Variants in GPC5 observed in about 807,000 individuals in gnomAD.
GPC5 encodes the protein glypican 5.
A neutral mutation model predicts 53.9 loss-of-function variants in GPC5; 47 were observed. The observed-to-expected ratio is 0.87, with a 90% CI of 0.69 to 1.11. GPC5 has a LOEUF of 1.11. Ranked by LOEUF, GPC5 falls within the 50% of genes most tolerant of loss-of-function variation. The pLI is 0.00. For missense variants in GPC5, 748 were observed against 713.1 expected (o/e 1.05, Z -0.56); for synonymous variants, 286 against 263.3 (o/e 1.09, Z -0.84).
intron 5 of GPC5, among the ~76,000 whole-genome samples, chr13:91,901,808 TAGG>T (rs1325504377): frequency 6.6e-6 from 1 of 151,902 alleles, no homozygotes; most frequent in Non-Finnish European, 1.5e-5. Flanking sequence ...TCCTAGAAAT[TAGG>T]AGATTTATGA....
intron 2 of GPC5, among the ~76,000 whole-genome samples, chr13:91,603,122 G>A (rs998193323): frequency 2.0e-5 from 3 of 152,218 alleles, no homozygotes; most frequent in Non-Finnish European, 2.9e-5. Context: ...ATATGTCAGA[G>A]GACTATGACT....
intron 7 of GPC5, among the ~76,000 whole-genome samples, chr13:92,774,925 A>G (rs577283498): frequency 3.9e-5 from 6 of 152,334 alleles, no homozygotes; most frequent in African/African-American, 1.4e-4. Context: ...CCTGTCCAAC[A>G]TTGACAAAAA....
chr13:91,917,409 C>G (rs2139011248), intron 6 of GPC5, among the ~76,000 whole-genome samples: 1 of 152,312 alleles, frequency 6.6e-6, no homozygotes, highest in South Asian at 2.1e-4. Flanking sequence ...TTCCCAGCTG[C>G]TTTCGTGGGC....
intron 6 of GPC5, among the ~76,000 whole-genome samples, chr13:91,920,922 CTCTCTTTTTTTTTTTT>C (rs2039705784): frequency 1.6e-5 from 1 of 61,480 alleles, no homozygotes; most frequent in African/African-American, 6.7e-5. Flanking sequence ...CTCTCTCTCT[CTCTCTTTTTTTTTTTT>C]TTTTTTTTTT....
chr13:91,555,766 A>G (rs1244756043), intron 2 of GPC5, among the ~76,000 whole-genome samples: 2 of 152,086 alleles, frequency 1.3e-5, no homozygotes, highest in South Asian at 4.1e-4. Context: ...GCAAAGTCAC[A>G]TCTTACCTTG....
At chr13:91,809,279 A>G (rs1426130447) in intron 5 of GPC5, among the ~76,000 whole-genome samples, 1 of 152,152 alleles carries the variant, frequency 6.6e-6, no homozygotes. Flanking sequence ...CACTACTGAA[A>G]TATTTGAAAT....
chr13:91,420,232 T>C (rs1278913464), intron 1 of GPC5, among the ~76,000 whole-genome samples: 3 of 152,050 alleles, frequency 2.0e-5, no homozygotes, highest in African/African-American at 7.3e-5. Flanking sequence ...TGAGCTTTCA[T>C]ACTTGTGGGT....
At chr13:92,582,103 T>TA (rs376177817) in intron 7 of GPC5, among the ~76,000 whole-genome samples, 1 of 152,054 alleles carries the variant, frequency 6.6e-6, no homozygotes, top group Non-Finnish European at 1.5e-5. Flanking sequence ...AGGCCAAATC[T>TA]AAAAAAATTA....
chr13:91,968,039 T>G (rs2040197217), intron 6 of GPC5, among the ~76,000 whole-genome samples: 1 of 152,134 alleles, frequency 6.6e-6, no homozygotes, highest in Non-Finnish European at 1.5e-5. Context: ...TTGAATGAAT[T>G]ATCCCTAGTA....
In GPC5 at chr13:92,577,412, A is replaced by ATGTGTG. The variant is rs1198171581; in HGVS notation, c.1562-288867_1562-288866insGTGTGT. 3.8e-3 allele frequency among the ~76,000 whole-genome samples: 412 copies of ATGTGTG among 107,362 alleles called. 3 individuals are homozygous for ATGTGTG. The highest frequency in any genetic ancestry group is 0.013 in the African/African-American group (391 of 30,048). 70.4% of individuals were successfully genotyped at this position (107,362 alleles called of 152,430 possible). A position where few individuals can be genotyped will look rare whatever the true frequency, so the allele number is the denominator to read the frequency against. ...TCGACATGAATGAATGTAAGTATGT[A>ATGTGTG]TGTATATGTGTGTGTGTGTGTGTGT... On this transcript the variant is annotated intron_variant, in intron 7 of 7. Transcript: ENST00000377067.
chr13:91,794,233 C>G (rs1357894750), intron 5 of GPC5, among the ~76,000 whole-genome samples: 3 of 152,134 alleles, frequency 2.0e-5, no homozygotes, highest in African/African-American at 7.2e-5. Flanking sequence ...GAACTAAGGA[C>G]TTTTTATCTT....
intron 7 of GPC5, among the ~76,000 whole-genome samples, chr13:92,604,295 A>G (rs1192377137): frequency 6.6e-6 from 1 of 152,218 alleles, no homozygotes; most frequent in African/African-American, 2.4e-5. Context: ...TGTGAGAAGT[A>G]TTTATTCAGA....
intron 4 of GPC5, among the ~76,000 whole-genome samples, chr13:91,735,314 A>C (rs977915415): frequency 2.6e-5 from 4 of 151,104 alleles, no homozygotes; most frequent in East Asian, 1.9e-4. Flanking sequence ...CAATTTCCCC[A>C]AAAAACCCTA....
At chr13:91,885,537 T>C (rs894521219) in intron 5 of GPC5, among the ~76,000 whole-genome samples, 8 of 152,204 alleles carry the variant, frequency 5.3e-5, no homozygotes, top group African/African-American at 1.9e-4. Context: ...CTTTTCCCAA[T>C]ACACAAACCA....
At chr13:91,663,953 A>G (rs760067998) in intron 2 of GPC5, among the ~76,000 whole-genome samples, 1 of 152,198 alleles carries the variant, frequency 6.6e-6, no homozygotes, top group Non-Finnish European at 1.5e-5. Flanking sequence ...CTGGGTCCAC[A>G]GGTGCATGCC....
chr13:92,740,043 T>A (rs1351305463), intron 7 of GPC5, among the ~76,000 whole-genome samples: 1 of 151,972 alleles, frequency 6.6e-6, no homozygotes, highest in East Asian at 1.9e-4. Flanking sequence ...CCTCAGCACT[T>A]GTTTCCTATA....
At chr13:92,627,622 G>A (rs991236477) in intron 7 of GPC5, among the ~76,000 whole-genome samples, 3 of 152,142 alleles carry the variant, frequency 2.0e-5, no homozygotes, top group African/African-American at 7.2e-5. Context: ...AAACCTCCAT[G>A]AGCAGTCCAT....
intron 7 of GPC5, among the ~76,000 whole-genome samples, chr13:92,522,735 T>G (rs1881111853): frequency 6.6e-6 from 1 of 152,114 alleles, no homozygotes; most frequent in Non-Finnish European, 1.5e-5. Flanking sequence ...ACCTGCACAT[T>G]GTGCACATGT....
At chr13:92,609,060 C>T (rs1884349393) in intron 7 of GPC5, among the ~76,000 whole-genome samples, 3 of 152,166 alleles carry the variant, frequency 2.0e-5, no homozygotes, top group Admixed American at 2.0e-4. Flanking sequence ...CCCCAACCCT[C>T]AAAATGTTAG....
Sources: allele counts gnomAD v4.1 joint callset (sites outside exome capture counted in the v4.1 genomes callset), GRCh38; gene constraint gnomAD v4.1.1; transcripts MANE v1.5; gene names NCBI Gene and HGNC (gene_info 2026-07-23, HGNC 2026-07-21).